The following ARHGAP23 variants were observed in gnomAD, a reference collection of about 807,000 sequenced individuals.
The protein encoded by ARHGAP23 is Rho GTPase activating protein 23.
ARHGAP23 carries 34 observed loss-of-function variants against 136.3 expected under a neutral mutation model. That is an observed-to-expected ratio of 0.25 (90% confidence interval 0.19 to 0.33). ARHGAP23 has a LOEUF of 0.33. Ranked by LOEUF, ARHGAP23 falls within the 10% of genes least tolerant of loss-of-function variation. The pLI is 1.00. For missense variants in ARHGAP23, 1,808 were observed against 2,139.0 expected (o/e 0.85, Z 3.05); for synonymous variants, 832 against 920.5 (o/e 0.90, Z 1.74).
At chr17:38,502,572 T>C (rs1567829507) in intron 23 of ARHGAP23, among the ~76,000 whole-genome samples, 1 of 152,126 alleles carries the variant, frequency 6.6e-6, no homozygotes, top group African/African-American at 2.4e-5. Flanking sequence ...TATGAAGAAA[T>C]AGACTATCTG....
rs1158536065 is a variant in ARHGAP23 at position 38,466,822 on chromosome 17, G to T, written c.1139G>T (p.Trp380Leu). The T allele has an allele frequency of 2.6e-6, 4 of 1,548,936 alleles. No individual in the cohort carries two copies. The South Asian group carries it at 3.6e-5, about 14-fold the overall frequency. The change falls in exon 7 of 24, where the codon TGG becomes TTG. Residue 380 changes from tryptophan (W) to leucine (L), a missense_variant. Around this residue, in one of 7 missense-constraint regions of ARHGAP23, gnomAD observed 859 missense variants for 936.4 expected, o/e 0.92. Transcript: ENST00000622683. ...TCACCCCGCTTTGAGCGGTGTGGCT[G>T]GGCTTCCCAGCGTTCGTCTGCCCGC... ...LVSPRFERCG[W>L]ASQRSSARTP...
At chr17:38,492,851 A>C (rs567543074) in intron 20 of ARHGAP23, among the ~76,000 whole-genome samples, 32 of 152,340 alleles carry the variant, frequency 2.1e-4, no homozygotes, top group African/African-American at 6.0e-4. Context: ...TCTCCAGGGC[A>C]CCAGGGAGCC....
chr17:38,498,860 CG>C (rs1597843903), intron 22 of ARHGAP23: 1 of 696,526 alleles, frequency 1.4e-6, no homozygotes. Flanking sequence ...CTTGCACCCC[CG>C]CCTCTCCCTC....
intron 3 of ARHGAP23, among the ~76,000 whole-genome samples, chr17:38,461,439 C>T (rs529670770): frequency 1.3e-5 from 2 of 152,318 alleles, no homozygotes; most frequent in South Asian, 2.1e-4. Context: ...TCCCCAGAGG[C>T]CCCTGGTGGA....
intron 16 of ARHGAP23, among the ~76,000 whole-genome samples, chr17:38,483,685 T>A (rs541741609): frequency 6.6e-6 from 1 of 152,326 alleles, no homozygotes; most frequent in South Asian, 2.1e-4. Flanking sequence ...CTGAGACAAG[T>A]GTGTGTGAAA....
intron 1 of ARHGAP23, among the ~76,000 whole-genome samples, chr17:38,444,384 T>G (rs1449423888): frequency 6.6e-6 from 1 of 151,862 alleles, no homozygotes; most frequent in Non-Finnish European, 1.5e-5. Flanking sequence ...CGCGGCGGTG[T>G]CTCTGTGGGC....
rs1389402361 is a variant in ARHGAP23, at chr17:38,498,415, C to A, written c.3320C>A (p.Thr1107Asn). The change falls in exon 22 of 24, where the codon ACC becomes AAC. Residue 1107 changes from threonine to asparagine, a missense_variant and splice_region_variant. By Grantham distance (65) the Thr-to-Asn change is moderately conservative. This residue lies in a region of ARHGAP23 where 104 missense variants were observed against 131.8 expected (regional missense o/e 0.79). Coordinates refer to ENST00000622683, the MANE Select transcript of ARHGAP23 (RefSeq NM_001199417.2). ...GCTGACCCCTCCTCCTGTTCGCAGA[C>A]CCCTGTGGGCGACAAGGAGCCTCAG... ...FSDEEDKGER[T>N]PVGDKEPQAV... The A allele has an allele frequency of 5.2e-6, 8 of 1,547,066 alleles. No homozygotes were observed. The highest frequency in any genetic ancestry group is 2.4e-5 in the South Asian group (2 of 83,738).
intron 1 of ARHGAP23, among the ~76,000 whole-genome samples, chr17:38,432,045 C>G (rs2038696548): frequency 6.6e-6 from 1 of 152,198 alleles, no homozygotes; most frequent in African/African-American, 2.4e-5. Context: ...GAAGTACAAA[C>G]CAGGGAACAG....
At chr17:38,494,540 G>A (rs1461481460) in intron 20 of ARHGAP23, among the ~76,000 whole-genome samples, 1 of 151,798 alleles carries the variant, frequency 6.6e-6, no homozygotes, top group Non-Finnish European at 1.5e-5. Flanking sequence ...CTCCAGCCTG[G>A]GTGACAGAGT....
intron 1 of ARHGAP23, among the ~76,000 whole-genome samples, chr17:38,433,878 T>TG (rs1170723819): frequency 6.6e-6 from 1 of 152,146 alleles, no homozygotes; most frequent in Non-Finnish European, 1.5e-5. Context: ...GAGAGGAGCC[T>TG]GGGCCACTGG....
chr17:38,497,247 C>T (rs1597841292), intron 20 of ARHGAP23, among the ~76,000 whole-genome samples: 1 of 152,232 alleles, frequency 6.6e-6, no homozygotes, highest in African/African-American at 2.4e-5. Context: ...CTCTCGCCTC[C>T]TGCCCCTCAG....
intron 1 of ARHGAP23, among the ~76,000 whole-genome samples, chr17:38,431,722 G>A (rs2038689832): frequency 6.6e-6 from 1 of 152,196 alleles, no homozygotes; most frequent in African/African-American, 2.4e-5. Flanking sequence ...AGTGGGTGAG[G>A]ACCAAAGGGG....
chr17:38,463,365 G>C lies in ARHGAP23; in HGVS notation c.466G>C (p.Glu156Gln). Residue 156 changes from glutamate to glutamine, a missense_variant, in exon 6 of 24, where the codon GAG becomes CAG. Around this residue, in one of 7 missense-constraint regions of ARHGAP23, gnomAD observed 859 missense variants for 936.4 expected, o/e 0.92. Coordinates refer to ENST00000622683, the MANE Select transcript of ARHGAP23 (RefSeq NM_001199417.2). The stretch of plus-strand genomic sequence containing the variant: ...GGAGCTGTCTATCATGCCCAAGGAC[G>C]AGGACATCCTCCAGCTGGTGAGTCC... ...TLELSIMPKD[E>Q]DILQLAYSQD... The C allele has an allele frequency of 6.4e-6, 10 of 1,551,698 alleles. No individual in the cohort carries two copies. The highest frequency in any genetic ancestry group is 8.7e-6 in the Non-Finnish European group (10 of 1,146,970).
chr17:38,441,011 T>TGGGAAATGCAGCTGCAGTGGCCACAGCGC (rs2038908074), intron 1 of ARHGAP23, among the ~76,000 whole-genome samples: 1 of 152,176 alleles, frequency 6.6e-6, no homozygotes, highest in Non-Finnish European at 1.5e-5. Context: ...CCTCCAAGCC[T>TGGGAAATGCAGCTGCAGTGGCCACAGCGC]GGGAAATGCA....
chr17:38,502,293 G>A (rs541460234), intron 23 of ARHGAP23, among the ~76,000 whole-genome samples: 37 of 152,286 alleles, frequency 2.4e-4, no homozygotes, highest in African/African-American at 8.9e-4. Flanking sequence ...GCGACAGAGC[G>A]AGACTCCGTC....
intron 1 of ARHGAP23, among the ~76,000 whole-genome samples, chr17:38,432,466 G>C (rs1203035684): frequency 6.6e-6 from 1 of 152,092 alleles, no homozygotes; most frequent in African/African-American, 2.4e-5. Context: ...GATCACCTGA[G>C]GTCAGGAGTT....
chr17:38,466,262 G>A lies in ARHGAP23; in HGVS notation c.579G>A (p.Lys193=). 1 of 1,548,800 alleles carries A rather than the reference G, an allele frequency of 6.5e-7. No individual in the cohort carries two copies. The change falls in exon 7 of 24, where the codon AAG becomes AAA. Residue 193 remains lysine, a synonymous_variant. Coordinates refer to ENST00000622683, the MANE Select transcript of ARHGAP23 (RefSeq NM_001199417.2). ...CACCCCCGATCTGCTACCCCCGCAA[G>A]ACCTACGCCCCTCCTGCCCGGGCCT... ...PEPPPICYPR[K]TYAPPARAST...
intron 10 of ARHGAP23, among the ~76,000 whole-genome samples, chr17:38,470,972 A>C (rs150851022): frequency 0.016 from 2,128 of 135,362 alleles, 47 homozygotes; most frequent in African/African-American, 0.06. Flanking sequence ...TTTTTTTTTG[A>C]GATGGAGTCT....
At chr17:38,462,155 T>C (rs1159741457) in intron 3 of ARHGAP23, among the ~76,000 whole-genome samples, 2 of 151,382 alleles carry the variant, frequency 1.3e-5, no homozygotes, top group African/African-American at 4.9e-5. Context: ...GGTTTCACCA[T>C]GTTGGCCAGG....
Sources: allele counts gnomAD v4.1 joint callset (sites outside exome capture counted in the v4.1 genomes callset), GRCh38; gene constraint gnomAD v4.1.1; regional missense constraint gnomAD v4.1.1; transcripts MANE v1.5; gene names NCBI Gene and HGNC (gene_info 2026-07-23, HGNC 2026-07-21).